Variants in TLR2 observed in about 807,000 individuals in gnomAD.
TLR2 encodes the protein toll-like receptor 2.
In TLR2, 7 loss-of-function variants were observed where a neutral mutation model predicts 9.1. The ratio of observed to expected loss-of-function variants is 0.77; its 90% CI spans 0.44 to 1.44. TLR2 has a LOEUF of 1.44. Among genes scored for constraint, TLR2 ranks in the 40% most tolerant of loss-of-function variants. The pLI, the probability that TLR2 is intolerant of heterozygous loss-of-function variation, is 0.01. For synonymous variants in TLR2, 317 were observed against 344.6 expected (o/e 0.92, Z 0.89); for missense variants, 812 against 904.6 (o/e 0.90, Z 1.31).
downstream of TLR2, among the ~76,000 whole-genome samples, chr4:153,709,197 C>A (rs1737427489): frequency 1.3e-5 from 2 of 152,154 alleles, no homozygotes; most frequent in Non-Finnish European, 1.5e-5. Flanking sequence ...GAGGAAAGTT[C>A]TCAACAGTAA....
chr4:153,704,335 G>A lies in TLR2; in HGVS notation c.1428G>A (p.Leu476=). 6.2e-7 allele frequency: 1 copy of A among 1,613,378 alleles called. No individual in the cohort carries two copies. The highest frequency in any genetic ancestry group is 1.1e-5 in the South Asian group (1 of 90,846). ...NNNLNLFSLN[L]PQLKELYISR... ...ATCTCAATTTATTTTCTTTGAATTT[G>A]CCGCAACTCAAAGAACTTTATATTT... The change falls in exon 3 of 3, where the codon TTG becomes TTA. Residue 476 remains leucine (L), a synonymous_variant. Coordinates refer to ENST00000642700, the MANE Select transcript of TLR2 (RefSeq NM_001318789.2).
At chr4:153,687,082 A>G (rs541231887) in intron 1 of TLR2, among the ~76,000 whole-genome samples, 7 of 152,304 alleles carry the variant, frequency 4.6e-5, no homozygotes, top group Non-Finnish European at 7.4e-5. Flanking sequence ...TAAATAACCC[A>G]TGGGTCAAAA....
downstream of TLR2, among the ~76,000 whole-genome samples, chr4:153,707,933 C>T (rs1046945651): frequency 2.6e-5 from 4 of 152,150 alleles, no homozygotes; most frequent in African/African-American, 9.7e-5. Flanking sequence ...ATGTTAATCT[C>T]CTCTGGCAAC....
downstream of TLR2, among the ~76,000 whole-genome samples, chr4:153,707,886 T>A (rs1433403916): frequency 2.0e-5 from 3 of 152,312 alleles, no homozygotes; most frequent in East Asian, 5.8e-4. Context: ...CTATTCACAT[T>A]AAAGGTGGAT....
Position 153,703,019 on chromosome 4 carries a change from G to C in TLR2, c.112G>C (p.Gly38Arg). The change falls in exon 3 of 3, where the codon GGC becomes CGC. Residue 38 changes from glycine (G) to arginine (R), a missense_variant. Coordinates refer to ENST00000642700, the MANE Select transcript of TLR2 (RefSeq NM_001318789.2). ...TTGTGACCGCAATGGTATCTGCAAG[G>C]GCAGCTCAGGATCTTTAAACTCCAT... Reference protein sequence around the residue: ...LSCDRNGICKGSSGSLNSIPS... With the variant: ...LSCDRNGICKRSSGSLNSIPS... The C allele has an allele frequency of 1.2e-6, 2 of 1,613,850 alleles. No individual in the cohort carries two copies. The highest frequency in any genetic ancestry group is 2.2e-5 in the South Asian group (2 of 91,052).
Position 153,702,915 on chromosome 4 carries a change from A to G in TLR2, c.8A>G (p.His3Arg). The change falls in exon 3 of 3, where the codon CAT (histidine) becomes CGT (arginine). Residue 3 changes from histidine (H) to arginine (R), a missense_variant. Transcript: ENST00000642700. MP[H>R]TLWMVWVLGV... ...AGGTTGAAGCACTGGACAATGCCAC[A>G]TACTTTGTGGATGGTGTGGGTCTTG... 1 of 1,608,506 alleles carries G rather than the reference A, an allele frequency of 6.2e-7. No homozygotes were observed. Among genetic ancestry groups the G allele is most frequent in the East Asian group, 2.2e-5 (1 of 44,778 alleles).
downstream of TLR2, chr4:153,710,100 G>A: frequency 3.8e-6 from 1 of 261,648 alleles, no homozygotes; most frequent in South Asian, 9.4e-5. Context: ...CAAACTGGAA[G>A]TAGAATGTCC....
At chr4:153,710,439 T>C, downstream of TLR2, 1 of 1,599,450 alleles carries the variant, frequency 6.3e-7, no homozygotes, top group Non-Finnish European at 8.5e-7. Flanking sequence ...GGCCACCAAA[T>C]AACGAAGCCA....
Position 153,704,239 on chromosome 4 carries a change from C to T in TLR2, c.1332C>T (p.Ser444=). Reference sequence around the variant, plus strand: ...AAAAGATGAAATATTTGAACTTATCCAGCACACGAATACACAGTGTAACAG... The same window carrying T: ...AAAAGATGAAATATTTGAACTTATCTAGCACACGAATACACAGTGTAACAG... ...WPEKMKYLNL[S]STRIHSVTGC... Residue 444 remains serine, a synonymous_variant, in exon 3 of 3, where the codon TCC becomes TCT. Coordinates refer to ENST00000642700, the MANE Select transcript of TLR2 (RefSeq NM_001318789.2). 2 of 1,614,130 alleles carry T rather than the reference C, an allele frequency of 1.2e-6. No individual in the cohort carries two copies. The highest frequency in any genetic ancestry group is 1.7e-6 in the Non-Finnish European group (2 of 1,180,018).
chr4:153,697,261 A>G (rs1736570736), intron 2 of TLR2, among the ~76,000 whole-genome samples: 1 of 152,174 alleles, frequency 6.6e-6, no homozygotes, highest in South Asian at 2.1e-4. Context: ...ATGTTAAAAC[A>G]ACAAGGTTTT....
At chr4:153,684,610 G>GAA (rs1194907520) in intron 1 of TLR2, among the ~76,000 whole-genome samples, 1 of 152,230 alleles carries the variant, frequency 6.6e-6, no homozygotes, top group African/African-American at 2.4e-5. Context: ...GGCTCAGGTC[G>GAA]GCCCTCGGGA....
intron 2 of TLR2, among the ~76,000 whole-genome samples, chr4:153,693,603 G>A (rs943995167): frequency 5.9e-5 from 9 of 152,308 alleles, no homozygotes; most frequent in African/African-American, 2.2e-4. Flanking sequence ...ATGAGGGGGT[G>A]CAGAAGGGTA....
intron 2 of TLR2, among the ~76,000 whole-genome samples, chr4:153,699,715 G>A (rs1736749801): frequency 6.6e-6 from 1 of 152,150 alleles, no homozygotes; most frequent in African/African-American, 2.4e-5. Context: ...TGAAATAAAG[G>A]TATAAAAGTT....
chr4:153,685,025 C>T (rs182296586), intron 1 of TLR2, among the ~76,000 whole-genome samples: 2 of 152,174 alleles, frequency 1.3e-5, no homozygotes, highest in Non-Finnish European at 2.9e-5. Context: ...TTTTGGTCAC[C>T]GTGGCTCAGA....
intron 2 of TLR2, among the ~76,000 whole-genome samples, chr4:153,697,689 C>T (rs991526153): frequency 6.6e-5 from 10 of 152,208 alleles, no homozygotes; most frequent in South Asian, 6.2e-4. Context: ...ATTGTTTTCT[C>T]TCCTGATAAA....
chr4:153,690,635 C>T (rs780546566), intron 2 of TLR2, among the ~76,000 whole-genome samples: 1 of 152,228 alleles, frequency 6.6e-6, no homozygotes, highest in Non-Finnish European at 1.5e-5. Context: ...AGGTTCCAAT[C>T]CTCGAGGATT....
At chr4:153,697,484 T>G (rs2127043651) in intron 2 of TLR2, among the ~76,000 whole-genome samples, 1 of 152,306 alleles carries the variant, frequency 6.6e-6, no homozygotes, top group Admixed American at 6.5e-5. Context: ...TTTATTTGCC[T>G]TTGAAGTCTT....
At chr4:153,686,671 AC>A (rs1265774278) in intron 1 of TLR2, among the ~76,000 whole-genome samples, 3 of 152,198 alleles carry the variant, frequency 2.0e-5, no homozygotes, top group African/African-American at 7.2e-5. Context: ...ATTTATAAGT[AC>A]TTATAACAAC....
downstream of TLR2, among the ~76,000 whole-genome samples, chr4:153,709,828 A>G (rs535587832): frequency 1.7e-3 from 259 of 152,324 alleles, 2 homozygotes; most frequent in Middle Eastern, 6.8e-3. Flanking sequence ...CCTGTGGCCC[A>G]TTGAGAAGGT....
Sources: gnomAD v4.1 joint callset for allele counts (sites outside exome capture counted in the v4.1 genomes callset) on GRCh38, gnomAD v4.1.1 for gene constraint, MANE v1.5 for transcripts, NCBI Gene and HGNC (gene_info 2026-07-23, HGNC 2026-07-21) for gene names.